SRI: variants seen among roughly 807,000 people sequenced by gnomAD.
The protein encoded by SRI is sorcin.
In SRI, 30 loss-of-function variants were observed where a neutral mutation model predicts 33.3. The ratio of observed to expected loss-of-function variants is 0.90; its 90% CI spans 0.67 to 1.22. The LOEUF is 1.22. SRI is among the 50% of genes most tolerant of loss of function. The pLI, the probability that SRI is intolerant of heterozygous loss-of-function variation, is 0.00. For synonymous variants in SRI, 75 were observed against 89.9 expected (o/e 0.83, Z 0.94); for missense variants, 243 against 250.8 (o/e 0.97, Z 0.21).
chr7:88,205,123 G>T lies in SRI; in HGVS notation c.*1355C>A, dbSNP rs564946125. On this transcript the variant is annotated 3_prime_UTR_variant, in exon 8 of 8. Coordinates refer to ENST00000265729, the MANE Select transcript of SRI (RefSeq NM_003130.4). ...TGAAATGAGGCTAAAGATGCTTAGA[G>T]AAAATGTTTTATTTTCATTAGTTGA... is the stretch of plus-strand genomic sequence containing the variant. The T allele has an allele frequency of 6.6e-6, 1 of 152,306 alleles. No individual in the cohort carries two copies. The highest frequency in any genetic ancestry group is 2.4e-5 in the African/African-American group (1 of 41,562). 9.4% of individuals were successfully genotyped at this position (152,306 alleles called of 1,614,324 possible). A position where few individuals can be genotyped will look rare whatever the true frequency, so the allele number is the denominator to read the frequency against.
chr7:88,209,952 T>TG, intron 5 of SRI, 31 bp downstream of exon 5: 1 of 1,613,860 alleles, frequency 6.2e-7, no homozygotes, highest in South Asian at 1.1e-5. Flanking sequence ...CTTCTACCAA[T>TG]GAATGGAGAG....
intron 3 of SRI, among the ~76,000 whole-genome samples, chr7:88,215,174 C>T (rs966257445): frequency 2.6e-5 from 4 of 152,208 alleles, no homozygotes; most frequent in African/African-American, 9.7e-5. Flanking sequence ...AACACTGACA[C>T]CTCATAGGCA....
At chr7:88,211,915 GGT>G (rs1851587812) in intron 3 of SRI, among the ~76,000 whole-genome samples, 1 of 152,144 alleles carries the variant, frequency 6.6e-6, no homozygotes, top group Non-Finnish European at 1.5e-5. Flanking sequence ...CAATGGGTGT[GGT>G]TACTGGTAAC....
intron 5 of SRI, 59 bp downstream of exon 5, chr7:88,209,924 A>G (rs1380737344): frequency 6.2e-7 from 1 of 1,611,500 alleles, no homozygotes; most frequent in East Asian, 2.2e-5. Context: ...CCTGGTTTTA[A>G]AAATAAAAAT....
chr7:88,206,851 G>C (rs1563470402), intron 7 of SRI, among the ~76,000 whole-genome samples: 1 of 152,014 alleles, frequency 6.6e-6, no homozygotes, highest in African/African-American at 2.4e-5. Context: ...CAAACAACTG[G>C]AGTTTATACT....
intron 4 of SRI, chr7:88,210,628 C>G: frequency 4.4e-6 from 2 of 458,468 alleles, no homozygotes; most frequent in Admixed American, 7.3e-5. Context: ...AAAAAGCTGT[C>G]CTGACACTCT....
At chr7:88,223,176 G>A (rs1334290701), upstream of SRI, among the ~76,000 whole-genome samples, 1 of 152,154 alleles carries the variant, frequency 6.6e-6, no homozygotes, top group Non-Finnish European at 1.5e-5. Flanking sequence ...TTGGTCAGCT[G>A]CTAATACTTT....
chr7:88,213,936 G>A (rs1314702671), intron 3 of SRI, among the ~76,000 whole-genome samples: 10 of 152,254 alleles, frequency 6.6e-5, no homozygotes, highest in Non-Finnish European at 1.5e-4. Context: ...CCACTGTTAA[G>A]TACTTATTAT....
At chr7:88,224,914 C>T (rs898622325), upstream of SRI, among the ~76,000 whole-genome samples, 8 of 152,146 alleles carry the variant, frequency 5.3e-5, no homozygotes, top group African/African-American at 1.9e-4. Flanking sequence ...AAATGAGGAA[C>T]TAAAATTTTA....
intron 6 of SRI, 104 bp from the exon 7 acceptor site, chr7:88,208,669 A>T (rs1349481310): frequency 2.0e-6 from 3 of 1,508,002 alleles, no homozygotes; most frequent in South Asian, 1.2e-5. Context: ...AGTAACATTT[A>T]AATTGTGCAA....
At chr7:88,214,056 C>T (rs1294312478) in intron 3 of SRI, among the ~76,000 whole-genome samples, 1 of 152,168 alleles carries the variant, frequency 6.6e-6, no homozygotes, top group Non-Finnish European at 1.5e-5. Context: ...TAACCCTAAT[C>T]ATGGTAGAGT....
intron 3 of SRI, among the ~76,000 whole-genome samples, chr7:88,211,174 C>T (rs147757458): frequency 5.9e-4 from 90 of 152,136 alleles, no homozygotes; most frequent in African/African-American, 2.0e-3. Context: ...TTACATAGTC[C>T]GGGTATGGTG....
At chr7:88,210,424 T>C in intron 4 of SRI, 1 of 437,236 alleles carries the variant, frequency 2.3e-6, no homozygotes. Context: ...TAGGCTGTAC[T>C]TTGTGGGTGC....
intron 3 of SRI, among the ~76,000 whole-genome samples, chr7:88,211,362 G>A (rs1158707669): frequency 6.6e-6 from 1 of 152,130 alleles, no homozygotes; most frequent in South Asian, 2.1e-4. Context: ...GGTTGAGGCA[G>A]GAGAATTGCT....
chr7:88,218,779 C>A, intron 2 of SRI, 80 bp downstream of exon 2: 1 of 1,385,528 alleles, frequency 7.2e-7, no homozygotes, highest in Non-Finnish European at 1.0e-6. Flanking sequence ...ACAGGAAGTT[C>A]GCTTTTCTGT....
In SRI at chr7:88,210,912, C is replaced by T; in HGVS notation, c.219G>A (p.Glu73=). ...IAGGYKPFNL[E]TCRLMVSMLD... is the part of the protein sequence containing the mutation. ...GCATTGAAACCATAAGCCGGCAAGT[C>T]TCCAGGTTAAAAGCTGTTAAATCAA... is the stretch of plus-strand genomic sequence containing the variant. The change falls in exon 4 of 8, where the codon GAG becomes GAA. Residue 73 remains glutamate (E), a synonymous_variant. Transcript: ENST00000265729. 1.2e-6 allele frequency: 2 copies of T among 1,613,544 alleles called. No homozygotes were observed. The highest frequency in any genetic ancestry group is 1.1e-5 in the South Asian group (1 of 91,026).
At chr7:88,224,849 A>G (rs771205614), upstream of SRI, among the ~76,000 whole-genome samples, 7 of 152,212 alleles carry the variant, frequency 4.6e-5, no homozygotes, top group Non-Finnish European at 1.0e-4. Flanking sequence ...TACAATAGAA[A>G]TGTTTGATAA....
At chr7:88,211,883 T>C (rs1007679791) in intron 3 of SRI, among the ~76,000 whole-genome samples, 2 of 152,350 alleles carry the variant, frequency 1.3e-5, no homozygotes, top group South Asian at 2.1e-4. Context: ...ACCTCACTTA[T>C]GTAACCAAAC....
At chr7:88,215,764 C>CA (rs1851694247) in intron 3 of SRI, among the ~76,000 whole-genome samples, 1 of 152,204 alleles carries the variant, frequency 6.6e-6, no homozygotes, top group Admixed American at 6.5e-5. Context: ...TATAAATTCA[C>CA]AGCTGTGAAT....
Sources: gnomAD v4.1 joint callset for allele counts (sites outside exome capture counted in the v4.1 genomes callset) on GRCh38, gnomAD v4.1.1 for gene constraint, MANE v1.5 for transcripts, NCBI Gene and HGNC (gene_info 2026-07-23, HGNC 2026-07-21) for gene names.